Variants in CNTN4 observed in about 807,000 individuals in gnomAD.
CNTN4 encodes contactin 4, also known as contactin-4.
A neutral mutation model predicts 122.5 loss-of-function variants in CNTN4; 77 were observed. That is an observed-to-expected ratio of 0.63 (90% CI 0.52 to 0.76). The LOEUF (loss-of-function observed/expected upper bound fraction) is 0.76. Among genes scored for constraint, CNTN4 ranks in the 30% least tolerant of loss-of-function variants. The pLI, the probability that CNTN4 is intolerant of heterozygous loss-of-function variation, is 0.00. For synonymous variants in CNTN4, 512 were observed against 447.0 expected (o/e 1.15, Z -1.83); for missense variants, 1,256 against 1,259.1 (o/e 1.00, Z 0.04).
At chr3:2,119,545 T>C (rs1434458883) in intron 2 of CNTN4, among the ~76,000 whole-genome samples, 1 of 152,238 alleles carries the variant, frequency 6.6e-6, no homozygotes, top group Admixed American at 6.5e-5. Context: ...TTGGGCAATT[T>C]CATAGATGCC....
At chr3:2,627,660 A>G (rs925923201) in intron 4 of CNTN4, among the ~76,000 whole-genome samples, 2 of 151,470 alleles carry the variant, frequency 1.3e-5, no homozygotes, top group Non-Finnish European at 2.9e-5. Flanking sequence ...CGCCTGGCTA[A>G]TTTTTTGTAT....
chr3:2,218,496 A>G (rs2038937421), intron 2 of CNTN4, among the ~76,000 whole-genome samples: 1 of 152,206 alleles, frequency 6.6e-6, no homozygotes, highest in Non-Finnish European at 1.5e-5. Context: ...TAGTCACCAC[A>G]TGCCATCCAA....
chr3:2,469,700 G>T (rs1162543915), intron 3 of CNTN4, among the ~76,000 whole-genome samples: 1 of 152,160 alleles, frequency 6.6e-6, no homozygotes, highest in Non-Finnish European at 1.5e-5. Flanking sequence ...GGTACATTGT[G>T]TCAGTACAAA....
chr3:2,745,282 C>CA (rs2089691716), intron 5 of CNTN4, among the ~76,000 whole-genome samples: 1 of 152,110 alleles, frequency 6.6e-6, no homozygotes, highest in African/African-American at 2.4e-5. Flanking sequence ...GTCAGAAGAA[C>CA]ATTTTAATGA....
At chr3:2,388,813 C>G (rs528536237) in intron 3 of CNTN4, among the ~76,000 whole-genome samples, 95 of 151,842 alleles carry the variant, frequency 6.3e-4, no homozygotes, top group Non-Finnish European at 9.7e-4. Flanking sequence ...CCACTGCACT[C>G]CAGCATGGGC....
At chr3:2,347,770 C>T (rs183723788) in intron 3 of CNTN4, among the ~76,000 whole-genome samples, 9 of 151,524 alleles carry the variant, frequency 5.9e-5, no homozygotes, top group Non-Finnish European at 1.0e-4. Context: ...TTATGAAAAG[C>T]ACTGCACGGC....
chr3:2,570,630 C>G (rs568960412), intron 3 of CNTN4, among the ~76,000 whole-genome samples: 1 of 152,296 alleles, frequency 6.6e-6, no homozygotes, highest in East Asian at 1.9e-4. Context: ...TGAGGGGCAC[C>G]TGTTCCCTTA....
chr3:3,033,055 A>G (rs2125692059), intron 16 of CNTN4, among the ~76,000 whole-genome samples: 1 of 152,284 alleles, frequency 6.6e-6, no homozygotes, highest in South Asian at 2.1e-4. Context: ...GATATTTCCT[A>G]TCGATTTAAT....
intron 2 of CNTN4, among the ~76,000 whole-genome samples, chr3:2,190,539 T>C (rs1219070433): frequency 2.0e-5 from 3 of 152,052 alleles, no homozygotes; most frequent in Middle Eastern, 3.4e-3. Flanking sequence ...CATTACTTCC[T>C]TTAGAACTGG....
At chr3:2,777,165 A>G (rs2091356248) in intron 6 of CNTN4, among the ~76,000 whole-genome samples, 1 of 152,188 alleles carries the variant, frequency 6.6e-6, no homozygotes, top group Non-Finnish European at 1.5e-5. Flanking sequence ...GAATTTAAGG[A>G]TCCTTTGTGC....
chr3:2,171,915 A>C (rs1002424767), intron 2 of CNTN4, among the ~76,000 whole-genome samples: 1 of 152,180 alleles, frequency 6.6e-6, no homozygotes, highest in African/African-American at 2.4e-5. Flanking sequence ...TTGGAACAGG[A>C]GCACCTAGGA....
intron 3 of CNTN4, among the ~76,000 whole-genome samples, chr3:2,460,246 T>C (rs1231535215): frequency 6.6e-6 from 1 of 152,146 alleles, no homozygotes; most frequent in Non-Finnish European, 1.5e-5. Flanking sequence ...ACCCTAACTT[T>C]GGTCATCATT....
intron 1 of CNTN4, among the ~76,000 whole-genome samples, chr3:2,099,978 A>G (rs1277615925): frequency 2.0e-5 from 3 of 152,172 alleles, no homozygotes; most frequent in African/African-American, 4.8e-5. Flanking sequence ...GGCTGCATGG[A>G]AACATTTCGC....
intron 4 of CNTN4, among the ~76,000 whole-genome samples, chr3:2,588,556 G>A (rs866371690): frequency 5.3e-5 from 8 of 151,880 alleles, no homozygotes; most frequent in Non-Finnish European, 7.4e-5. Flanking sequence ...TAGTAGAGAC[G>A]GGGTTTTACT....
At chr3:2,741,531 G>T (rs1216140407) in intron 5 of CNTN4, among the ~76,000 whole-genome samples, 1 of 152,172 alleles carries the variant, frequency 6.6e-6, no homozygotes, top group African/African-American at 2.4e-5. Flanking sequence ...AGGACAGCAG[G>T]TGTAAACCAA....
At chr3:2,306,218 C>T (rs2042699313) in intron 2 of CNTN4, among the ~76,000 whole-genome samples, 1 of 152,224 alleles carries the variant, frequency 6.6e-6, no homozygotes, top group African/African-American at 2.4e-5. Flanking sequence ...AAACTGTTTA[C>T]CAAAGTGTTT....
chr3:2,968,301 CT>C, intron 13 of CNTN4, among the ~76,000 whole-genome samples: 1 of 152,160 alleles, frequency 6.6e-6, no homozygotes, highest in Non-Finnish European at 1.5e-5. Context: ...GGATGTATGC[CT>C]AAACAGCCAA....
chr3:2,962,426 A>G (rs2094870868), intron 13 of CNTN4, among the ~76,000 whole-genome samples: 1 of 152,236 alleles, frequency 6.6e-6, no homozygotes, highest in Non-Finnish European at 1.5e-5. Flanking sequence ...GGTTGCAGTT[A>G]ACCAAAATAA....
Position 2,671,949 on chromosome 3 carries a change from T to C in CNTN4, c.56-64266T>C, listed in dbSNP as rs556324266. Among the ~76,000 whole-genome samples, 39 of 152,262 alleles carry C rather than the reference T, an allele frequency of 2.6e-4. 1 individual carries two copies. The East Asian group carries it at 6.2e-3, about 24-fold the overall frequency. ...ACAGCAAATATTGCTGAACAGCAAA[T>C]GTTGCTGCCTGATCCTTCCTTTGGA... On this transcript the variant is annotated intron_variant, in intron 4 of 24. Transcript: ENST00000418658.
Sources: gnomAD v4.1 joint callset for allele counts (sites outside exome capture counted in the v4.1 genomes callset) on GRCh38, gnomAD v4.1.1 for gene constraint, MANE v1.5 for transcripts, NCBI Gene and HGNC (gene_info 2026-07-23, HGNC 2026-07-21) for gene names.